Variants in STK10 observed in about 807,000 individuals in gnomAD.
STK10 encodes the protein serine/threonine kinase 10.
Under a neutral mutation model 113.8 loss-of-function variants are expected in STK10, and 78 were observed. That is an observed-to-expected ratio of 0.69 (90% CI 0.57 to 0.83). STK10 has a LOEUF of 0.83. Ranked by LOEUF, STK10 falls within the 40% of genes least tolerant of loss-of-function variation. STK10 has a pLI of 0.00. For synonymous variants in STK10, 465 were observed against 494.7 expected (o/e 0.94, Z 0.80); for missense variants, 1,109 against 1,280.1 (o/e 0.87, Z 2.04).
chr5:172,127,472 G>A (rs372581705), intron 2 of STK10, 51 bp from the exon 3 acceptor site: 171 of 1,599,210 alleles, frequency 1.1e-4, no homozygotes, highest in Non-Finnish European at 1.3e-4. Context: ...CCCAGCCGTC[G>A]AGACGGGAAC....
At chr5:172,077,879 C>T (rs942612353) in intron 12 of STK10, among the ~76,000 whole-genome samples, 1 of 151,986 alleles carries the variant, frequency 6.6e-6, no homozygotes, top group African/African-American at 2.4e-5. Context: ...AAGGAAAGTG[C>T]CTGTTGCATA....
intron 1 of STK10, among the ~76,000 whole-genome samples, chr5:172,184,273 G>A (rs1242473367): frequency 6.6e-6 from 1 of 152,136 alleles, no homozygotes; most frequent in Non-Finnish European, 1.5e-5. Context: ...TTTAGTAAAA[G>A]CAATACCTAC....
intron 2 of STK10, among the ~76,000 whole-genome samples, chr5:172,139,937 G>T (rs767279698): frequency 5.4e-5 from 8 of 148,238 alleles, no homozygotes; most frequent in Non-Finnish European, 8.9e-5. Flanking sequence ...TAAACAAGTG[G>T]GATACATCAA....
At chr5:172,149,463 T>C (rs113118969) in intron 2 of STK10, among the ~76,000 whole-genome samples, 1 of 152,188 alleles carries the variant, frequency 6.6e-6, no homozygotes, top group Non-Finnish European at 1.5e-5. Flanking sequence ...CTGCAAAGCC[T>C]GTGCAGACTT....
At chr5:172,112,880 G>A (rs1191972991) in intron 4 of STK10, among the ~76,000 whole-genome samples, 2 of 151,860 alleles carry the variant, frequency 1.3e-5, no homozygotes, top group African/African-American at 2.4e-5. Context: ...CCAAGCAGCT[G>A]GGATTACAGG....
At chr5:172,110,926 G>A (rs748705334) in intron 4 of STK10, among the ~76,000 whole-genome samples, 53 of 152,222 alleles carry the variant, frequency 3.5e-4, no homozygotes, top group Non-Finnish European at 5.9e-4. Context: ...AAGACCCCCC[G>A]GCACCTCCTG....
Position 172,163,938 on chromosome 5 carries a change from G to A in STK10, c.157-7150C>T, listed in dbSNP as rs899806778. Among the ~76,000 whole-genome samples the A allele has an allele frequency of 1.3e-4, 20 of 152,222 alleles. No homozygotes were observed. The East Asian group carries it at 2.1e-3, about 16-fold the overall frequency. ...CTCAAGAATAGGCACGTGGCCAGGC[G>A]CGGTGGCTGACCCCTGTGATCCCAG... On this transcript the variant is annotated intron_variant, in intron 1 of 18. Transcript: ENST00000176763.
chr5:172,060,278 G>A (rs111703200), intron 14 of STK10, among the ~76,000 whole-genome samples: 6,929 of 152,182 alleles, frequency 0.046, 339 homozygotes, highest in African/African-American at 0.12. Context: ...GTGGTAGCAC[G>A]TGCCTGTAGT....
rs972090526 is a variant in STK10, at chr5:172,093,177, T to C, written c.1554+235A>G. Among the ~76,000 whole-genome samples, 4 of 152,224 alleles carry C rather than the reference T, an allele frequency of 2.6e-5. No homozygotes were observed. The highest frequency in any genetic ancestry group is 4.4e-5 in the Non-Finnish European group (3 of 68,034). On this transcript the variant is annotated intron_variant, in intron 9 of 18. Transcript: ENST00000176763. The surrounding 1 kb of genome is among the most constrained non-coding windows in gnomAD (Gnocchi z 4.1). ...CCTAAGAGTTCTCTCTCCCAAATTTTACCAGGGCCTTTTACCAAGCTTTGA... is the reference window on the plus strand; with the variant it reads ...CCTAAGAGTTCTCTCTCCCAAATTTCACCAGGGCCTTTTACCAAGCTTTGA...
intron 4 of STK10, among the ~76,000 whole-genome samples, chr5:172,111,975 G>A (rs995764433): frequency 6.6e-6 from 1 of 152,210 alleles, no homozygotes; most frequent in African/African-American, 2.4e-5. Context: ...ATATATGGAT[G>A]CTTATAAAAG....
At chr5:172,047,098 G>GT (rs1767508864) in intron 18 of STK10, among the ~76,000 whole-genome samples, 1 of 152,196 alleles carries the variant, frequency 6.6e-6, no homozygotes, top group Non-Finnish European at 1.5e-5. Context: ...CAAGGCAGGG[G>GT]GTTCACAGGC....
At chr5:172,169,210 C>A (rs1191824040) in intron 1 of STK10, among the ~76,000 whole-genome samples, 1 of 152,222 alleles carries the variant, frequency 6.6e-6, no homozygotes, top group African/African-American at 2.4e-5. Flanking sequence ...GTTTTCATCG[C>A]AGACTGCCCT....
chr5:172,053,215 G>A, intron 17 of STK10, 173 bp from the exon 18 acceptor site: 2 of 602,672 alleles, frequency 3.3e-6, no homozygotes, highest in South Asian at 4.0e-5. Context: ...GCACCAAGAA[G>A]TGCCTGGAGG....
chr5:172,053,408 A>G (rs1241993678), intron 17 of STK10, among the ~76,000 whole-genome samples: 1 of 144,316 alleles, frequency 6.9e-6, no homozygotes, highest in Non-Finnish European at 1.5e-5. Flanking sequence ...AACTGTGAGA[A>G]AGAAGTTTCT....
chr5:172,047,158 A>G (rs1261009789), intron 18 of STK10, among the ~76,000 whole-genome samples: 1 of 152,218 alleles, frequency 6.6e-6, no homozygotes, highest in Non-Finnish European at 1.5e-5. Flanking sequence ...TCGAATGAAA[A>G]TCATCACCTC....
At chr5:172,177,386 C>T (rs150559357) in intron 1 of STK10, among the ~76,000 whole-genome samples, 268 of 152,342 alleles carry the variant, frequency 1.8e-3, no homozygotes, top group African/African-American at 6.3e-3. Context: ...TATTTTGTCA[C>T]GGCAGCCCGA....
intron 2 of STK10, among the ~76,000 whole-genome samples, chr5:172,139,120 C>T (rs1434945239): frequency 2.0e-5 from 3 of 152,212 alleles, no homozygotes; most frequent in African/African-American, 7.2e-5. Context: ...TACTACCCAA[C>T]ATGATCTACA....
chr5:172,053,090 C>T (rs1260129650), intron 17 of STK10, 48 bp from the exon 18 acceptor site: 1 of 1,517,680 alleles, frequency 6.6e-7, no homozygotes, highest in Non-Finnish European at 9.1e-7. Context: ...AAGACGCAGG[C>T]CCTGAAGACT....
intron 1 of STK10, among the ~76,000 whole-genome samples, chr5:172,178,162 C>T (rs1463235605): frequency 1.3e-5 from 2 of 152,110 alleles, no homozygotes; most frequent in African/African-American, 4.8e-5. Context: ...CAGAGAAGAC[C>T]GAAATCTGGG....
Sources: allele counts gnomAD v4.1 joint callset (sites outside exome capture counted in the v4.1 genomes callset), GRCh38; gene constraint gnomAD v4.1.1; non-coding constraint Gnocchi (gnomAD v3.1); transcripts MANE v1.5; gene names NCBI Gene and HGNC (gene_info 2026-07-23, HGNC 2026-07-21).